The following RPS6KA2 variants were observed in gnomAD, a reference collection of about 807,000 sequenced individuals.
The protein encoded by RPS6KA2 is ribosomal protein S6 kinase A2.
A neutral mutation model predicts 91.8 loss-of-function variants in RPS6KA2; 42 were observed. The observed-to-expected ratio is 0.46, with a 90% CI of 0.36 to 0.59. The LOEUF (loss-of-function observed/expected upper bound fraction) is 0.59. RPS6KA2 is among the 20% of genes least tolerant of loss of function. The probability of loss-of-function intolerance (pLI) is 0.00; values close to 1 mark genes in which losing one functional copy is unlikely to be tolerated. For missense variants in RPS6KA2, 798 were observed against 978.5 expected, an observed-to-expected ratio of 0.82 and a Z score of 2.46; for synonymous variants, 414 against 393.6, an observed-to-expected ratio of 1.05 and a Z score of -0.61.
At chr6:166,474,565 A>G (rs757558357) in intron 10 of RPS6KA2, among the ~76,000 whole-genome samples, 1 of 152,164 alleles carries the variant, frequency 6.6e-6, no homozygotes, top group Non-Finnish European at 1.5e-5. Flanking sequence ...AAAAAGGAAG[A>G]TTTGGAGGTA....
At chr6:166,577,828 T>C (rs979480968) in intron 1 of RPS6KA2, among the ~76,000 whole-genome samples, 3 of 152,152 alleles carry the variant, frequency 2.0e-5, no homozygotes, top group Non-Finnish European at 4.4e-5. Flanking sequence ...AATGATATAG[T>C]TTGGTTCTGC....
At chr6:166,543,876 G>GATAC (rs926323348) in intron 1 of RPS6KA2, among the ~76,000 whole-genome samples, 7 of 152,172 alleles carry the variant, frequency 4.6e-5, no homozygotes, top group Admixed American at 4.6e-4. Flanking sequence ...GTGTGTGTGA[G>GATAC]ACAGGTCTTG....
At chr6:166,470,721 G>A (rs995843850) in intron 10 of RPS6KA2, among the ~76,000 whole-genome samples, 1 of 152,222 alleles carries the variant, frequency 6.6e-6, no homozygotes, top group African/African-American at 2.4e-5. Flanking sequence ...ACCGACTGCA[G>A]AAGCGTGCCC....
At position 166,482,384 on chromosome 6, in the gene RPS6KA2, C is replaced by T. The variant is rs556218310; in HGVS notation, c.907+6449G>A. On this transcript the variant is annotated intron_variant, in intron 10 of 20. Coordinates refer to ENST00000265678, the MANE Select transcript of RPS6KA2 (RefSeq NM_021135.6). ...GCCAAATGTGCTCCAAATCTGGGCC[C>T]TCGGTGACTGCAGAGATGCCACCCT... 3.9e-5 allele frequency among the ~76,000 whole-genome samples: 6 copies of T among 152,336 alleles called. No homozygotes were observed. The South Asian group carries it at 1.2e-3, about 32-fold the overall frequency.
chr6:166,589,387 A>C (rs1225587126), intron 1 of RPS6KA2, among the ~76,000 whole-genome samples: 1 of 152,238 alleles, frequency 6.6e-6, no homozygotes, highest in Non-Finnish European at 1.5e-5. Flanking sequence ...CACTTGTTCT[A>C]AATTATTGCC....
At chr6:166,616,761 G>A (rs1786430918) in intron 1 of RPS6KA2, among the ~76,000 whole-genome samples, 2 of 152,192 alleles carry the variant, frequency 1.3e-5, no homozygotes, top group South Asian at 2.1e-4. Flanking sequence ...GGTGTGGCAG[G>A]ATTTTTGCCC....
In RPS6KA2 at chr6:166,494,614, C is replaced by T. The variant is rs188547069; in HGVS notation, c.748-3873G>A. Among the ~76,000 whole-genome samples, 63 of 152,346 alleles carry T rather than the reference C, an allele frequency of 4.1e-4. No homozygotes were observed. The highest frequency in any genetic ancestry group is 1.4e-3 in the African/African-American group (58 of 41,570). On this transcript the variant is annotated intron_variant, in intron 8 of 20. Coordinates refer to ENST00000265678, the MANE Select transcript of RPS6KA2 (RefSeq NM_021135.6). This position sits in a 1 kb window ranked among gnomAD's most constrained non-coding sequence, Gnocchi z 5.1. ...GGAGTGCTGGAAATTCTACAAATGT[C>T]ACCACGCAGCCGGCCACCAGGTTTG...
At chr6:166,480,007 C>T (rs1781132708) in intron 10 of RPS6KA2, among the ~76,000 whole-genome samples, 2 of 151,292 alleles carry the variant, frequency 1.3e-5, no homozygotes, top group South Asian at 2.1e-4. Flanking sequence ...TTAACCGTCC[C>T]TGGGTGATGT....
chr6:166,532,931 C>T (rs747045868), intron 2 of RPS6KA2, among the ~76,000 whole-genome samples: 22 of 152,158 alleles, frequency 1.4e-4, no homozygotes, highest in South Asian at 4.1e-4. Flanking sequence ...ATCACCCTTA[C>T]GCACACTGTG....
Position 166,483,468 on chromosome 6 carries a change from T to A in RPS6KA2, c.907+5365A>T, listed in dbSNP as rs144878000. 4.4e-4 allele frequency among the ~76,000 whole-genome samples: 67 copies of A among 152,108 alleles called. No homozygotes were observed. The East Asian group carries it at 8.3e-3, about 19-fold the overall frequency. ...TAGCAGGAGGACGGCCCGCAAACGC[T>A]CAGGGGAAAGGAAAAATCAGGCCTG... On this transcript the variant is annotated intron_variant, in intron 10 of 20. Transcript: ENST00000265678.
Position 166,849,781 on chromosome 6 carries a change from G to A in RPS6KA2, c.123+8419C>T, listed in dbSNP as rs981358199. ...CTGACACCAGCATGTGTTCACAGCC[G>A]TTTCCTCAAGCTGACTGAATTCTCG... On this transcript the variant is annotated intron_variant, in intron 2 of 21. Coordinates refer to the RPS6KA2 transcript ENST00000503859. The surrounding 1 kb of genome is among the most constrained non-coding windows in gnomAD (Gnocchi z 4.9). Among the ~76,000 whole-genome samples, 6 of 152,222 alleles carry A rather than the reference G, an allele frequency of 3.9e-5. No homozygotes were observed. In the South Asian group the frequency reaches 1.0e-3, roughly 26 times the overall value.
chr6:166,783,674 A>G (rs1381164807), intron 2 of RPS6KA2, among the ~76,000 whole-genome samples: 2 of 152,114 alleles, frequency 1.3e-5, no homozygotes, highest in Non-Finnish European at 2.9e-5. Context: ...ATGTATACAC[A>G]TGTGCACACC....
At chr6:166,846,126 C>T (rs1422185027) in intron 2 of RPS6KA2, among the ~76,000 whole-genome samples, 1 of 151,918 alleles carries the variant, frequency 6.6e-6, no homozygotes, top group African/African-American at 2.4e-5. Flanking sequence ...GGATAAATTC[C>T]TCAAAATATA....
chr6:166,553,610 C>T (rs551810305), intron 1 of RPS6KA2, among the ~76,000 whole-genome samples: 6 of 152,142 alleles, frequency 3.9e-5, no homozygotes, highest in Non-Finnish European at 5.9e-5. Context: ...CTGACCCGCC[C>T]CGCCAGCCCT....
At chr6:166,817,914 G>T (rs568420649) in intron 2 of RPS6KA2, among the ~76,000 whole-genome samples, 1 of 151,806 alleles carries the variant, frequency 6.6e-6, no homozygotes, top group East Asian at 1.9e-4. Context: ...GTAGAGATGG[G>T]TTTTCACCAT....
intron 7 of RPS6KA2, among the ~76,000 whole-genome samples, chr6:166,499,231 GC>G (rs1781924119): frequency 6.6e-6 from 1 of 152,238 alleles, no homozygotes; most frequent in Admixed American, 6.5e-5. Flanking sequence ...GAAGGAAGTG[GC>G]CCCGGGGCTG....
At chr6:166,848,205 C>T (rs994011021) in intron 2 of RPS6KA2, among the ~76,000 whole-genome samples, 5 of 152,078 alleles carry the variant, frequency 3.3e-5, no homozygotes, top group African/African-American at 1.2e-4. Flanking sequence ...AACCACAATG[C>T]AATATCATCT....
intron 2 of RPS6KA2, among the ~76,000 whole-genome samples, chr6:166,826,379 C>T (rs910484196): frequency 4.6e-5 from 7 of 152,296 alleles, no homozygotes; most frequent in South Asian, 2.1e-4. Context: ...TTTCCTAGGA[C>T]GTCCTGAGCA....
intron 10 of RPS6KA2, chr6:166,475,829 C>T (rs775173059): frequency 7.7e-6 from 4 of 517,338 alleles, no homozygotes; most frequent in African/African-American, 4.7e-5. Flanking sequence ...GGCAGAGGGC[C>T]GTTTTCTCAC....
Sources: gnomAD v4.1 joint callset for allele counts (sites outside exome capture counted in the v4.1 genomes callset) on GRCh38, gnomAD v4.1.1 for gene constraint, Gnocchi (gnomAD v3.1) non-coding constraint, MANE v1.5 for transcripts, NCBI Gene and HGNC (gene_info 2026-07-23, HGNC 2026-07-21) for gene names.